The following NME2 variants were observed in gnomAD, a reference collection of about 807,000 sequenced individuals.
The protein encoded by NME2 is NME/NM23 nucleoside diphosphate kinase 2.
Under a neutral mutation model 17.8 loss-of-function variants are expected in NME2, and 18 were observed. That is an observed-to-expected ratio of 1.01 (90% CI 0.70 to 1.50). The LOEUF is 1.50. Among genes scored for constraint, NME2 ranks in the 40% most tolerant of loss-of-function variants. The pLI is 0.00. For synonymous variants in NME2, 74 were observed against 71.4 expected (o/e 1.04, Z -0.19); for missense variants, 161 against 195.6 (o/e 0.82, Z 1.05).
At chr17:51,167,968 T>G in intron 2 of NME2, 1 of 190,782 alleles carries the variant, frequency 5.2e-6, no homozygotes, top group Non-Finnish European at 1.1e-5. Flanking sequence ...CCAGCCTGGG[T>G]GATGATAGTG....
At chr17:51,167,167 C>A in intron 2 of NME2, 1 of 1,100,222 alleles carries the variant, frequency 9.1e-7, no homozygotes, top group Non-Finnish European at 1.2e-6. Flanking sequence ...GCGCTGGTAG[C>A]GTGACTCGCC....
intron 3 of NME2, chr17:51,169,699 T>A: frequency 2.3e-6 from 1 of 436,498 alleles, no homozygotes; most frequent in Non-Finnish European, 4.1e-6. Context: ...TCTGCAACAT[T>A]GTTTATCTCT....
chr17:51,167,168 G>C, intron 2 of NME2: 1 of 1,105,552 alleles, frequency 9.0e-7, no homozygotes, highest in African/African-American at 1.6e-5. Context: ...CGCTGGTAGC[G>C]TGACTCGCCC....
intron 1 of NME2, 77 bp from the exon 2 acceptor site, chr17:51,166,749 AC>A: frequency 4.2e-6 from 6 of 1,418,294 alleles, no homozygotes; most frequent in Non-Finnish European, 5.5e-6. Context: ...GGGAGGAGGG[AC>A]CGGCGGCGCC....
Position 51,171,693 on chromosome 17 carries a change from T to C in NME2, c.*89T>C, listed in dbSNP as rs548040785. 1.1e-4 allele frequency: 102 copies of C among 968,300 alleles called. No homozygotes were observed. The African/African-American group carries it at 1.6e-3, about 15-fold the overall frequency. The allele number at this position is 968,300 out of a possible 1,614,324, so 60.0% of individuals were successfully genotyped here. On this transcript the variant is annotated 3_prime_UTR_variant, in exon 5 of 5. Transcript: ENST00000512737. ...TTCCATTGACTTAGAGGCAACAGGA[T>C]TGATCATTCTTTTATAGAGCATATT...
At chr17:51,170,383 G>A (rs1179929390) in intron 4 of NME2, among the ~76,000 whole-genome samples, 3 of 151,718 alleles carry the variant, frequency 2.0e-5, no homozygotes, top group East Asian at 2.0e-4. Flanking sequence ...CAGGTGATCC[G>A]CCTGCCTCGG....
Position 51,171,625 on chromosome 17 carries a change from C to T in NME2, c.*21C>T, listed in dbSNP as rs2050071381. 1 of 1,579,776 alleles carries T rather than the reference C, an allele frequency of 6.3e-7. No homozygotes were observed. Among genetic ancestry groups the T allele is most frequent in the Non-Finnish European group, 8.7e-7 (1 of 1,149,622 alleles). On this transcript the variant is annotated 3_prime_UTR_variant, in exon 5 of 5. Transcript: ENST00000512737. ...AATAAGAGGTGGACACAACAGCAGTCTCCTTCAGCACGGCGTGGTGTGTCC... is the reference window on the plus strand; with the variant it reads ...AATAAGAGGTGGACACAACAGCAGTTTCCTTCAGCACGGCGTGGTGTGTCC...
chr17:51,168,150 A>G, intron 2 of NME2, 92 bp from the exon 3 acceptor site: 1 of 1,169,070 alleles, frequency 8.6e-7, no homozygotes, highest in Non-Finnish European at 1.2e-6. Flanking sequence ...GTGGGCTAGA[A>G]TATAAAACCG....
At chr17:51,170,828 C>A (rs550410497) in intron 4 of NME2, among the ~76,000 whole-genome samples, 1 of 151,666 alleles carries the variant, frequency 6.6e-6, no homozygotes, top group South Asian at 2.1e-4. Context: ...AGCTTCTTCC[C>A]TAGGTTACTT....
chr17:51,165,601 A>G (rs1462445873), upstream of NME2: 1 of 152,280 alleles, frequency 6.6e-6, no homozygotes, highest in East Asian at 1.9e-4. Flanking sequence ...CCTAATCTCT[A>G]TGACAGGGTC....
rs1449927807 is a variant in NME2 at position 51,169,982 on chromosome 17, G to A, written c.274G>A (p.Gly92Arg). Residue 92 changes from glycine to arginine, a missense_variant, in exon 4 of 5, where the codon GGG becomes AGG. Transcript: ENST00000512737. ...NVVKTGRVML[G>R]ETNPADSKPG... ...GGTGAAGACAGGCCGAGTGATGCTT[G>A]GGGAGACCAATCCAGCAGATTCAAA... is the stretch of plus-strand genomic sequence containing the variant. 1 of 1,613,426 alleles carries A rather than the reference G, an allele frequency of 6.2e-7. No individual in the cohort carries two copies.
chr17:51,168,809 CTGA>C (rs2050003740), intron 3 of NME2, among the ~76,000 whole-genome samples: 1 of 151,566 alleles, frequency 6.6e-6, no homozygotes, highest in Non-Finnish European at 1.5e-5. Context: ...CTTTGGAAGG[CTGA>C]GGCGGGTGGA....
intron 3 of NME2, 38 bp from the exon 4 acceptor site, chr17:51,169,899 G>T: frequency 6.3e-7 from 1 of 1,595,982 alleles, no homozygotes; most frequent in South Asian, 1.1e-5. Flanking sequence ...TGTCCTGAGT[G>T]GCAGGTCTGA....
chr17:51,167,027 T>C, intron 2 of NME2, 71 bp downstream of exon 2: 1 of 1,607,434 alleles, frequency 6.2e-7, no homozygotes. Context: ...GGCGGCGGTT[T>C]GTCCGCGTCT....
At chr17:51,171,383 TG>T in intron 4 of NME2, 103 bp from the exon 5 acceptor site, 1 of 889,424 alleles carries the variant, frequency 1.1e-6, no homozygotes, top group Non-Finnish European at 1.8e-6. Context: ...TTGCTTCAAG[TG>T]GCAATTTGGC....
chr17:51,170,042 G>A lies in NME2; in HGVS notation c.334G>A (p.Val112Ile), dbSNP rs1443965260. 1.9e-6 allele frequency: 3 copies of A among 1,607,286 alleles called. No individual in the cohort carries two copies. The highest frequency in any genetic ancestry group is 1.7e-5 in the Admixed American group (1 of 58,910). ...GTIRGDFCIQVGRNIIHGSDS... is the reference protein window; with the variant it reads ...GTIRGDFCIQIGRNIIHGSDS... ...CATTCGTGGGGACTTCTGCATTCAG[G>A]TTGGCAGGTAAGTCCGGGGACAGGA... Residue 112 changes from valine to isoleucine, a missense_variant, in exon 4 of 5, where the codon GTT becomes ATT. Coordinates refer to ENST00000512737, the MANE Select transcript of NME2 (RefSeq NM_002512.4).
At chr17:51,171,269 T>A (rs544946512) in intron 4 of NME2, among the ~76,000 whole-genome samples, 3 of 152,294 alleles carry the variant, frequency 2.0e-5, no homozygotes, top group African/African-American at 7.2e-5. Context: ...AGGCCAGACT[T>A]GGAAGCATAA....
intron 2 of NME2, 48 bp downstream of exon 2, chr17:51,167,004 G>T: frequency 6.2e-7 from 1 of 1,609,804 alleles, no homozygotes; most frequent in South Asian, 1.1e-5. Context: ...GCTCGCGGGT[G>T]TTTTTCCCTC....
chr17:51,169,955 G>A lies in NME2; in HGVS notation c.247G>A (p.Val83Met), dbSNP rs757730632. The change falls in exon 4 of 5, where the codon GTG becomes ATG. Residue 83 changes from valine (V) to methionine (M), a missense_variant. Val to Met is a conservative substitution (Grantham distance 21, BLOSUM62 1). Transcript: ENST00000512737. ...VVAMVWEGLN[V>M]VKTGRVMLGE... ...TTTCGAGGTCTGGGAGGGGCTGAAC[G>A]TGGTGAAGACAGGCCGAGTGATGCT... 7 of 1,613,452 alleles carry A rather than the reference G, an allele frequency of 4.3e-6. No individual in the cohort carries two copies. Among genetic ancestry groups the A allele is most frequent in the African/African-American group, 2.7e-5 (2 of 74,876 alleles).
Sources: allele counts gnomAD v4.1 joint callset (sites outside exome capture counted in the v4.1 genomes callset), GRCh38; gene constraint gnomAD v4.1.1; transcripts MANE v1.5; gene names NCBI Gene and HGNC (gene_info 2026-07-23, HGNC 2026-07-21).